Variants in ISM2 observed in about 807,000 individuals in gnomAD.
The protein encoded by ISM2 is isthmin 2.
Under a neutral mutation model 58.0 loss-of-function variants are expected in ISM2, and 50 were observed. The observed-to-expected ratio is 0.86, with a 90% confidence interval of 0.69 to 1.09. ISM2 has a LOEUF of 1.09. ISM2 is among the 50% of genes least tolerant of loss of function. The pLI is 0.00. For missense variants in ISM2, 723 were observed against 745.0 expected (o/e 0.97, Z 0.34); for synonymous variants, 303 against 312.4 (o/e 0.97, Z 0.32).
intron 1 of ISM2, among the ~76,000 whole-genome samples, chr14:77,495,708 A>G (rs752186771): frequency 1.3e-5 from 2 of 152,286 alleles, no homozygotes; most frequent in East Asian, 1.9e-4. Context: ...TAAACGTTCT[A>G]TGAAGCATAA....
rs777363954 is a variant in ISM2 at position 77,475,605 on chromosome 14, T to C, written c.1706A>G (p.Lys569Arg). ...EEYLAQLQEA[K>R]EY The stretch of plus-strand genomic sequence containing the variant: ...TCAGCAACCCCGTCACTAGTACTCC[T>C]TGGCCTCCTGCAACTGTGCTAGGTA... The change falls in exon 7 of 7, where the codon AAG becomes AGG. Residue 569 changes from lysine (K) to arginine (R), a missense_variant. Lys to Arg is a conservative substitution (Grantham distance 26, BLOSUM62 2). Transcript: ENST00000342219. The surrounding 1 kb of genome is among the most constrained non-coding windows in gnomAD (Gnocchi z 4.1). 6.3e-7 allele frequency: 1 copy of C among 1,578,026 alleles called. No homozygotes were observed. The highest frequency in any genetic ancestry group is 8.6e-7 in the Non-Finnish European group (1 of 1,159,778).
At chr14:77,482,300 A>C (rs757270186) in intron 4 of ISM2, 22 bp downstream of exon 4, 6 of 1,579,018 alleles carry the variant, frequency 3.8e-6, no homozygotes, top group Non-Finnish European at 4.3e-6. Flanking sequence ...CAGCCTGGGG[A>C]TGCCAAGATG....
intron 3 of ISM2, 186 bp from the exon 4 acceptor site, chr14:77,482,853 C>A (rs528613379): frequency 3.8e-6 from 2 of 524,968 alleles, no homozygotes; most frequent in Non-Finnish European, 6.7e-6. Context: ...TCACAGCTTA[C>A]GGCCTGGAGG....
At position 77,475,996 on chromosome 14, in the gene ISM2, C is replaced by T. The variant is rs781452292; in HGVS notation, c.1315G>A (p.Asp439Asn). 2 of 1,589,004 alleles carry T rather than the reference C, an allele frequency of 1.3e-6. No homozygotes were observed. The highest frequency in any genetic ancestry group is 8.5e-7 in the Non-Finnish European group (1 of 1,172,264). Residue 439 changes from aspartate to asparagine, a missense_variant, in exon 7 of 7, where the codon GAC becomes AAC. By Grantham distance (23) the Asp-to-Asn change is conservative. Transcript: ENST00000342219. This position sits in a 1 kb window ranked among gnomAD's most constrained non-coding sequence, Gnocchi z 4.1. ...TCGTCCTGTAGGCTCACAGGGCTGTCCATGGCCTCCAGTGGGTAGGCACAC... is the reference window on the plus strand; with the variant it reads ...TCGTCCTGTAGGCTCACAGGGCTGTTCATGGCCTCCAGTGGGTAGGCACAC... ...CPCAYPLEAM[D>N]SPVSLQDEHQ...
chr14:77,497,545 T>A (rs896555539), intron 1 of ISM2, among the ~76,000 whole-genome samples: 11 of 150,794 alleles, frequency 7.3e-5, no homozygotes, highest in African/African-American at 2.7e-4. Context: ...ATAAAAAAAA[T>A]TAGCCAGGTG....
intron 1 of ISM2, among the ~76,000 whole-genome samples, chr14:77,495,645 C>T (rs1435789548): frequency 6.6e-6 from 1 of 152,048 alleles, no homozygotes; most frequent in African/African-American, 2.4e-5. Context: ...GTCTGGGCCT[C>T]GTGAGGCGGC....
rs547490745 is a variant in ISM2 at position 77,487,160 on chromosome 14, G to A, written c.142-2241C>T. Among the ~76,000 whole-genome samples, 5 of 151,926 alleles carry A rather than the reference G, an allele frequency of 3.3e-5. No individual in the cohort carries two copies. The South Asian group carries it at 6.3e-4, about 19-fold the overall frequency. On this transcript the variant is annotated intron_variant, in intron 1 of 6. Transcript: ENST00000342219. Reference sequence around the variant, plus strand: ...CTCGGGAGGCTGAGGCAGGAGAATCGCTTGAACTGAGGCAGCAGAAGTTGC... The same window carrying A: ...CTCGGGAGGCTGAGGCAGGAGAATCACTTGAACTGAGGCAGCAGAAGTTGC...
intron 6 of ISM2, among the ~76,000 whole-genome samples, chr14:77,476,945 T>C (rs1445454791): frequency 2.0e-5 from 3 of 152,018 alleles, no homozygotes; most frequent in South Asian, 2.1e-4. Context: ...GGCTGAGACA[T>C]GAGAATCACT....
At position 77,498,811 on chromosome 14, in the gene ISM2, T is replaced by C; in HGVS notation, c.-18A>G. 1.4e-6 allele frequency: 2 copies of C among 1,399,110 alleles called. No individual in the cohort carries two copies. The highest frequency in any genetic ancestry group is 1.5e-5 in the South Asian group (1 of 64,580). 86.7% of individuals were successfully genotyped at this position (1,399,110 alleles called of 1,614,324 possible). On this transcript the variant is annotated 5_prime_UTR_variant, in exon 1 of 7. Coordinates refer to ENST00000342219, the MANE Select transcript of ISM2 (RefSeq NM_199296.3). ...GCACGCATCGTCTCGGTTCCGAGGC[T>C]GCTCTGCCTGCACCTCTGCACGCGG...
intron 1 of ISM2, among the ~76,000 whole-genome samples, chr14:77,491,548 C>T (rs568326438): frequency 6.6e-6 from 1 of 152,182 alleles, no homozygotes; most frequent in East Asian, 1.9e-4. Context: ...GCCACCATGC[C>T]CGGCTAATTT....
rs373560078 is a variant in ISM2 at position 77,498,758 on chromosome 14, G to A, written c.36C>T (p.Leu12=). Residue 12 remains leucine, a synonymous_variant, in exon 1 of 7, where the codon CTC becomes CTT. Transcript: ENST00000342219. The stretch of plus-strand genomic sequence containing the variant: ...GCAGCGCCGCCAGCAGCAGCACGCA[G>A]AGGAGGAGCCCGGCTCGGTCGCGGA... ...RALRDRAGLL[L]CVLLLAALLE... The A allele has an allele frequency of 7.8e-4, 1,156 of 1,475,916 alleles. 8 individuals carry two copies. The African/African-American group carries it at 0.016, about 21-fold the overall frequency. 91.4% of individuals were successfully genotyped at this position (1,475,916 alleles called of 1,614,324 possible). A position where few individuals can be genotyped will look rare whatever the true frequency, so the allele number is the denominator to read the frequency against.
In ISM2 at chr14:77,484,716, C is replaced by T; in HGVS notation, c.345G>A (p.Leu115=). 1.2e-6 allele frequency: 2 copies of T among 1,611,690 alleles called. No individual in the cohort carries two copies. The highest frequency in any genetic ancestry group is 1.7e-6 in the Non-Finnish European group (2 of 1,179,546). ...TAGGGGTACTCAAGGTTGTGTTGGCCAATCCCGGCAGCTTCTGCAGCTCCA... is the reference window on the plus strand; with the variant it reads ...TAGGGGTACTCAAGGTTGTGTTGGCTAATCCCGGCAGCTTCTGCAGCTCCA... The part of the protein sequence containing the change: ...LRLELQKLPG[L]ANTTLSTPNP... Residue 115 remains leucine, a synonymous_variant, in exon 2 of 7, where the codon TTG becomes TTA. Transcript: ENST00000342219.
chr14:77,498,303 G>A, intron 1 of ISM2: 1 of 1,349,928 alleles, frequency 7.4e-7, no homozygotes, highest in Non-Finnish European at 9.7e-7. Context: ...ACTCCTCTCC[G>A]AGCTAGCGCG....
intron 1 of ISM2, among the ~76,000 whole-genome samples, chr14:77,492,424 AGTG>A (rs2139971415): frequency 6.6e-6 from 1 of 151,614 alleles, no homozygotes; most frequent in East Asian, 2.0e-4. Context: ...CGGCTGTTTG[AGTG>A]GTGTTCTCAT....
intron 4 of ISM2, 44 bp downstream of exon 4, chr14:77,482,277 AC>A (rs745854873): frequency 4.8e-6 from 7 of 1,460,100 alleles, no homozygotes; most frequent in Non-Finnish European, 5.7e-6. Context: ...TCCACTCAGT[AC>A]CTACAGGGGA....
intron 1 of ISM2, among the ~76,000 whole-genome samples, chr14:77,493,969 G>A (rs1301832262): frequency 1.3e-5 from 2 of 151,494 alleles, no homozygotes; most frequent in Non-Finnish European, 2.9e-5. Flanking sequence ...AGTAGAGATG[G>A]GGTTTCACCG....
At chr14:77,495,394 G>A (rs1566759627) in intron 1 of ISM2, among the ~76,000 whole-genome samples, 1 of 152,182 alleles carries the variant, frequency 6.6e-6, no homozygotes, top group Non-Finnish European at 1.5e-5. Flanking sequence ...ATCCTCTAGG[G>A]TGTTCTTGTT....
intron 1 of ISM2, among the ~76,000 whole-genome samples, chr14:77,493,846 A>C (rs537127784): frequency 1.3e-5 from 2 of 151,824 alleles, no homozygotes; most frequent in South Asian, 4.2e-4. Flanking sequence ...ATCTTGGCTC[A>C]CTGCAAGCTC....
At chr14:77,494,872 T>C (rs2079228994) in intron 1 of ISM2, among the ~76,000 whole-genome samples, 1 of 151,376 alleles carries the variant, frequency 6.6e-6, no homozygotes, top group Non-Finnish European at 1.5e-5. Context: ...CTCTCTCAGC[T>C]CTCTTTTTTC....
Sources: allele counts gnomAD v4.1 joint callset (sites outside exome capture counted in the v4.1 genomes callset), GRCh38; gene constraint gnomAD v4.1.1; non-coding constraint Gnocchi (gnomAD v3.1); transcripts MANE v1.5; gene names NCBI Gene and HGNC (gene_info 2026-07-23, HGNC 2026-07-21).